CDKL5: variants seen among roughly 807,000 people sequenced by gnomAD.
The protein encoded by CDKL5 is cyclin dependent kinase like 5, also known as cyclin-dependent kinase-like 5.
A neutral mutation model predicts 61.7 loss-of-function variants in CDKL5; 8 were observed. The ratio of observed to expected loss-of-function variants is 0.13; its 90% CI spans 0.08 to 0.23. The LOEUF (loss-of-function observed/expected upper bound fraction) is 0.23. CDKL5 is among the 10% of genes least tolerant of loss of function. The pLI, the probability that CDKL5 is intolerant of heterozygous loss-of-function variation, is 1.00. For synonymous variants in CDKL5, 275 were observed against 272.3 expected (o/e 1.01, Z -0.10); for missense variants, 440 against 734.5 (o/e 0.60, Z 4.63).
intron 13 of CDKL5, 136 bp from the exon 14 acceptor site, chrX:18,609,329 G>T: frequency 9.2e-7 from 1 of 1,088,633 alleles, no homozygotes; most frequent in Non-Finnish European, 1.2e-6. Context: ...GGGCAGTCAA[G>T]GCTACAGTAA....
At chrX:18,433,188 A>G (rs1266359153) in intron 1 of CDKL5, among the ~76,000 whole-genome samples, 1 of 108,298 alleles carries the variant, frequency 9.2e-6, no homozygotes, top group African/African-American at 3.3e-5. Context: ...AGATCGTATC[A>G]CTGCACTCCA....
chrX:18,487,320 T>G (rs1311448396), intron 1 of CDKL5, among the ~76,000 whole-genome samples: 1 of 112,226 alleles, frequency 8.9e-6, no homozygotes, highest in African/African-American at 3.2e-5. Context: ...TGTTTTGTTT[T>G]GTTTAGACAG....
intron 1 of CDKL5, among the ~76,000 whole-genome samples, chrX:18,491,992 G>A (rs550541371): frequency 9.0e-6 from 1 of 111,071 alleles, no homozygotes; most frequent in African/African-American, 3.3e-5. Flanking sequence ...TGGTGTGTGT[G>A]TATGTGTTTC....
In CDKL5 at chrX:18,631,742, C is replaced by T. The variant is rs1293967971; in HGVS notation, c.*2985C>T. 2.7e-6 allele frequency: 2 copies of T among 752,242 alleles called. No individual in the cohort carries two copies. The highest frequency in any genetic ancestry group is 3.1e-6 in the Non-Finnish European group (2 of 638,692). The allele number at this position is 752,242 out of a possible 1,213,427, so 62.0% of individuals were successfully genotyped here. ...TTTTCTACCTTTATTTCTCTGCCAT[C>T]CTCGTTTTTCCTCTCTGAAGTTCTA... On this transcript the variant is annotated 3_prime_UTR_variant, in exon 18 of 18. Coordinates refer to ENST00000623535, the MANE Select transcript of CDKL5 (RefSeq NM_001323289.2).
At chrX:18,555,485 T>C (rs2147125701) in intron 3 of CDKL5, among the ~76,000 whole-genome samples, 1 of 112,266 alleles carries the variant, frequency 8.9e-6, no homozygotes, top group African/African-American at 3.2e-5. Flanking sequence ...AAATTACCTC[T>C]GGGTAGAGGG....
At chrX:18,481,465 A>G (rs1215060613) in intron 1 of CDKL5, among the ~76,000 whole-genome samples, 2 of 100,542 alleles carry the variant, frequency 2.0e-5, no homozygotes, top group Non-Finnish European at 4.0e-5. Context: ...TGATCCTCCC[A>G]CCTCAGCCTC....
In CDKL5 at chrX:18,585,404, A is replaced by C. The variant is rs761563927; in HGVS notation, c.554+1051A>C. Among the ~76,000 whole-genome samples, 23 of 106,381 alleles carry C rather than the reference A, an allele frequency of 2.2e-4. No individual in the cohort carries two copies. In the East Asian group the frequency reaches 3.4e-3, roughly 16 times the overall value. The allele number at this position is 106,381 out of a possible 115,157, so 92.4% of individuals were successfully genotyped here. A position where few individuals can be genotyped will look rare whatever the true frequency, so the allele number is the denominator to read the frequency against. ...AGCAAGACTCCATCACACACACACA[A>C]AAAAACCCCAAAAAACAAAAAAATG... On this transcript the variant is annotated intron_variant, in intron 8 of 17. Coordinates refer to ENST00000623535, the MANE Select transcript of CDKL5 (RefSeq NM_001323289.2).
In CDKL5 at chrX:18,581,285, T is replaced by G. The variant is rs969458706; in HGVS notation, c.404-606T>G. Among the ~76,000 whole-genome samples, 3 of 111,936 alleles carry G rather than the reference T, an allele frequency of 2.7e-5. No individual in the cohort carries two copies. In the South Asian group the frequency reaches 1.1e-3, roughly 41 times the overall value. On this transcript the variant is annotated intron_variant, in intron 6 of 17. Transcript: ENST00000623535. ...ACTGCATTTTCTGTGAATTTCTACTTAACTCCCACCACATCTTCATAACAT... is the reference window on the plus strand; with the variant it reads ...ACTGCATTTTCTGTGAATTTCTACTGAACTCCCACCACATCTTCATAACAT...
intron 1 of CDKL5, among the ~76,000 whole-genome samples, chrX:18,431,166 AT>A (rs966167238): frequency 1.8e-5 from 2 of 110,415 alleles, no homozygotes; most frequent in Admixed American, 1.9e-4. Flanking sequence ...CCTGGCGGTG[AT>A]TTTTTTTTAA....
intron 3 of CDKL5, among the ~76,000 whole-genome samples, chrX:18,538,410 A>T (rs1013267411): frequency 1.4e-4 from 16 of 111,446 alleles, no homozygotes; most frequent in African/African-American, 4.6e-4. Flanking sequence ...AATGTCTTTC[A>T]TGGACCAAAA....
intron 1 of CDKL5, among the ~76,000 whole-genome samples, chrX:18,429,611 T>C (rs1240334005): frequency 8.9e-6 from 1 of 112,024 alleles, no homozygotes; most frequent in East Asian, 2.8e-4. Flanking sequence ...CCATGCTTTC[T>C]GCTTCTCTTT....
At chrX:18,515,771 C>G (rs1369077799) in intron 3 of CDKL5, among the ~76,000 whole-genome samples, 2 of 111,323 alleles carry the variant, frequency 1.8e-5, no homozygotes, top group Non-Finnish European at 3.8e-5. Flanking sequence ...TACTAGATGT[C>G]TCAACCACTA....
At chrX:18,607,751 A>ATAT (rs1260642358) in intron 12 of CDKL5, among the ~76,000 whole-genome samples, 9 of 112,190 alleles carry the variant, frequency 8.0e-5, no homozygotes, top group Non-Finnish European at 1.7e-4. Context: ...TACTGAGTTT[A>ATAT]TATTAGATGT....
chrX:18,562,928 C>G (rs1390583354), intron 3 of CDKL5, among the ~76,000 whole-genome samples: 1 of 111,947 alleles, frequency 8.9e-6, no homozygotes, highest in African/African-American at 3.2e-5. Flanking sequence ...TGAATTTATT[C>G]AAGGTGGTAT....
intron 4 of CDKL5, among the ~76,000 whole-genome samples, chrX:18,572,719 G>A (rs1243745586): frequency 8.9e-6 from 1 of 112,039 alleles, no homozygotes; most frequent in African/African-American, 3.2e-5. Flanking sequence ...GCATGTATGG[G>A]CAGAGATTTC....
chrX:18,591,514 A>T (rs1006929089), intron 9 of CDKL5, among the ~76,000 whole-genome samples: 6 of 109,436 alleles, frequency 5.5e-5, no homozygotes, highest in Non-Finnish European at 1.1e-4. Context: ...TTCTCTTTTC[A>T]CTTTAGCCTT....
intron 3 of CDKL5, among the ~76,000 whole-genome samples, chrX:18,544,049 C>A (rs759117085): frequency 8.9e-6 from 1 of 112,076 alleles, no homozygotes; most frequent in East Asian, 2.8e-4. Context: ...ACTCTCCAGG[C>A]TATGGTGCTT....
chrX:18,486,620 G>A (rs1227990827), intron 1 of CDKL5, among the ~76,000 whole-genome samples: 1 of 111,710 alleles, frequency 9.0e-6, no homozygotes, highest in Non-Finnish European at 1.9e-5. Context: ...TATTGTAGAT[G>A]GCATTATTAA....
chrX:18,430,720 C>T (rs1379227073), intron 1 of CDKL5, among the ~76,000 whole-genome samples: 2 of 111,299 alleles, frequency 1.8e-5, no homozygotes, highest in Admixed American at 9.6e-5. Context: ...GCTAGGATTA[C>T]AGGCATGAGC....
Sources: allele counts gnomAD v4.1 joint callset (sites outside exome capture counted in the v4.1 genomes callset), GRCh38; gene constraint gnomAD v4.1.1; transcripts MANE v1.5; gene names NCBI Gene and HGNC (gene_info 2026-07-23, HGNC 2026-07-21).